Variants in APBB2 observed in about 807,000 individuals in gnomAD.
APBB2 encodes amyloid beta precursor protein binding family B member 2.
In APBB2, 38 loss-of-function variants were observed where a neutral mutation model predicts 82.5. That is an observed-to-expected ratio of 0.46 (90% CI 0.36 to 0.60). The LOEUF is 0.60. APBB2 is among the 20% of genes least tolerant of loss of function. APBB2 has a pLI of 0.00. For missense variants in APBB2, 772 were observed against 972.3 expected (o/e 0.79, Z 2.74); for synonymous variants, 341 against 368.2 (o/e 0.93, Z 0.85).
At chr4:40,944,771 CT>C (rs1787919249) in intron 7 of APBB2, 93 bp downstream of exon 7, 1 of 1,239,820 alleles carries the variant, frequency 8.1e-7, no homozygotes. Context: ...AAAAGCTTAC[CT>C]TGATGACCTG....
chr4:41,128,848 T>C (rs1580268335), intron 2 of APBB2, among the ~76,000 whole-genome samples: 1 of 152,206 alleles, frequency 6.6e-6, no homozygotes, highest in East Asian at 1.9e-4. Flanking sequence ...CGGGCTATTA[T>C]ATATTTTTAA....
chr4:41,021,422 G>T (rs533910217), intron 5 of APBB2, among the ~76,000 whole-genome samples: 2 of 152,104 alleles, frequency 1.3e-5, no homozygotes, highest in Non-Finnish European at 2.9e-5. Context: ...CTAGAGGATT[G>T]TAAATGCACC....
chr4:40,942,521 C>G (rs1245134462), intron 7 of APBB2, among the ~76,000 whole-genome samples: 1 of 152,168 alleles, frequency 6.6e-6, no homozygotes, highest in African/African-American at 2.4e-5. Context: ...AAATGGAGAA[C>G]ATACCAGCTG....
rs1364160368 is a variant in APBB2 at position 40,954,898 on chromosome 4, G to A, written c.836-9825C>T. Reference sequence around the variant, plus strand: ...CAGGCTGGCCTTGGGTGATCCGCCCGCCTCGGCCTCCCTAAGTACTGAGAT... The same window carrying A: ...CAGGCTGGCCTTGGGTGATCCGCCCACCTCGGCCTCCCTAAGTACTGAGAT... On this transcript the variant is annotated intron_variant, in intron 6 of 17. Coordinates refer to ENST00000508593, the MANE Select transcript of APBB2 (RefSeq NM_004307.2). Among the ~76,000 whole-genome samples the A allele has an allele frequency of 4.6e-5, 7 of 152,206 alleles. No homozygotes were observed. The South Asian group carries it at 1.2e-3, about 27-fold the overall frequency.
chr4:40,856,520 C>T (rs1430813185), intron 12 of APBB2, among the ~76,000 whole-genome samples: 1 of 152,182 alleles, frequency 6.6e-6, no homozygotes, highest in East Asian at 1.9e-4. Flanking sequence ...TGGAAATGCA[C>T]AGTTTTTCTA....
chr4:41,190,743 G>A (rs567050629), intron 1 of APBB2, among the ~76,000 whole-genome samples: 6 of 152,160 alleles, frequency 3.9e-5, no homozygotes, highest in Admixed American at 6.5e-5. Flanking sequence ...ATAAAAACAC[G>A]GCTTGACTCC....
chr4:41,133,707 C>G (rs1399338070), intron 2 of APBB2, among the ~76,000 whole-genome samples: 2 of 152,126 alleles, frequency 1.3e-5, no homozygotes, highest in Non-Finnish European at 2.9e-5. Flanking sequence ...ACAGATTGAC[C>G]AGAGTCTCAA....
intron 6 of APBB2, chr4:40,990,383 C>A (rs192064501): frequency 6.6e-6 from 1 of 151,096 alleles, no homozygotes; most frequent in Admixed American, 6.6e-5. Context: ...CAGTTGTATC[C>A]GGTGTCTACC....
chr4:40,986,977 A>C (rs1800571632), intron 6 of APBB2, among the ~76,000 whole-genome samples: 1 of 152,224 alleles, frequency 6.6e-6, no homozygotes, highest in Non-Finnish European at 1.5e-5. Context: ...TCTCATCAGA[A>C]AGTCCCTCCC....
At chr4:40,912,428 T>C (rs913228246) in intron 10 of APBB2, among the ~76,000 whole-genome samples, 1 of 151,932 alleles carries the variant, frequency 6.6e-6, no homozygotes, top group Non-Finnish European at 1.5e-5. Flanking sequence ...AATACAAAAA[T>C]CAGCTGGGTG....
intron 2 of APBB2, among the ~76,000 whole-genome samples, chr4:41,119,137 C>A (rs1752031696): frequency 2.4e-5 from 2 of 82,488 alleles, no homozygotes; most frequent in African/African-American, 4.8e-5. Context: ...AGGCCTGTCT[C>A]AAAAATAATT....
At position 40,951,389 on chromosome 4, in the gene APBB2, T is replaced by A. The variant is rs886157835; in HGVS notation, c.836-6316A>T. ...ATAGAAAGCCGGCCTAGTCGAGGTA[T>A]TTTTCAGTACCTAAAAGATAATCCA... On this transcript the variant is annotated intron_variant, in intron 6 of 17. Coordinates refer to ENST00000508593, the MANE Select transcript of APBB2 (RefSeq NM_004307.2). Among the ~76,000 whole-genome samples, 4 of 152,238 alleles carry A rather than the reference T, an allele frequency of 2.6e-5. 1 individual carries two copies.
Position 40,826,221 on chromosome 4 carries a change from C to G in APBB2, c.1733-251G>C. The G allele has an allele frequency of 4.2e-6, 2 of 480,728 alleles. No homozygotes were observed. Among genetic ancestry groups the G allele is most frequent in the South Asian group, 2.2e-5 (1 of 46,372 alleles). 29.8% of individuals were successfully genotyped at this position (480,728 alleles called of 1,614,324 possible). ...AGGAAGTGGCATCTATGTGTTAAAG[C>G]TGCTACTGTCTCTTTGATGTATATT... On this transcript the variant is annotated intron_variant, in intron 14 of 17. Coordinates refer to ENST00000508593, the MANE Select transcript of APBB2 (RefSeq NM_004307.2). This position sits in a 1 kb window ranked among gnomAD's most constrained non-coding sequence, Gnocchi z 4.5.
intron 5 of APBB2, among the ~76,000 whole-genome samples, chr4:41,024,692 T>C (rs549245615): frequency 6.6e-6 from 1 of 152,302 alleles, no homozygotes; most frequent in East Asian, 1.9e-4. Flanking sequence ...GAGTAAAACT[T>C]ATGAGTTTAC....
At chr4:40,851,616 C>T (rs569337247) in intron 12 of APBB2, among the ~76,000 whole-genome samples, 1 of 151,774 alleles carries the variant, frequency 6.6e-6, no homozygotes, top group Admixed American at 6.6e-5. Flanking sequence ...GACAAGCTTC[C>T]ATGTTATAAG....
chr4:41,157,019 TC>T (rs1213468750), intron 1 of APBB2, among the ~76,000 whole-genome samples: 8 of 143,272 alleles, frequency 5.6e-5, no homozygotes, highest in African/African-American at 1.9e-4. Context: ...TGACCCAAGA[TC>T]ACGCCACTGC....
At position 41,070,783 on chromosome 4, in the gene APBB2, T is replaced by C. The variant is rs188276929; in HGVS notation, c.-148-5110A>G. 2.4e-4 allele frequency among the ~76,000 whole-genome samples: 36 copies of C among 152,318 alleles called. No homozygotes were observed. The East Asian group carries it at 6.2e-3, about 26-fold the overall frequency. ...TCAAATCTGATTGTGTCCATCTGACTAGCAATATCTCGGGAAGGAAATCAA... is the reference window on the plus strand; with the variant it reads ...TCAAATCTGATTGTGTCCATCTGACCAGCAATATCTCGGGAAGGAAATCAA... On this transcript the variant is annotated intron_variant, in intron 3 of 17. Coordinates refer to ENST00000508593, the MANE Select transcript of APBB2 (RefSeq NM_004307.2).
chr4:41,167,981 A>G (rs1028597980), intron 1 of APBB2, among the ~76,000 whole-genome samples: 2 of 152,262 alleles, frequency 1.3e-5, no homozygotes, highest in African/African-American at 2.4e-5. Context: ...AAATATTGAC[A>G]GCAATTTGGC....
intron 5 of APBB2, among the ~76,000 whole-genome samples, chr4:41,026,500 C>T (rs1224188706): frequency 2.0e-5 from 3 of 152,166 alleles, no homozygotes; most frequent in East Asian, 1.9e-4. Context: ...ACGACCCATT[C>T]GTCCCTCCCT....
Sources: allele counts gnomAD v4.1 joint callset (sites outside exome capture counted in the v4.1 genomes callset), GRCh38; gene constraint gnomAD v4.1.1; non-coding constraint Gnocchi (gnomAD v3.1); transcripts MANE v1.5; gene names NCBI Gene and HGNC (gene_info 2026-07-23, HGNC 2026-07-21).